Variants in DPY19L1 observed in about 807,000 individuals in gnomAD.
DPY19L1 encodes the protein dpy-19 like C-mannosyltransferase 1.
A neutral mutation model predicts 96.9 loss-of-function variants in DPY19L1; 35 were observed. The observed-to-expected ratio is 0.36, with a 90% CI of 0.28 to 0.48. DPY19L1 has a LOEUF of 0.48. Among genes scored for constraint, DPY19L1 ranks in the 20% least tolerant of loss-of-function variants. DPY19L1 has a pLI of 0.99. For missense variants in DPY19L1, 521 were observed against 777.9 expected, an observed-to-expected ratio of 0.67 and a Z score of 3.93; for synonymous variants, 205 against 252.6, an observed-to-expected ratio of 0.81 and a Z score of 1.79.
At position 34,947,660 on chromosome 7, in the gene DPY19L1, A is replaced by G. The variant is rs1784178385; in HGVS notation, c.1464T>C (p.Val488=). ...TAACAATAGCAACAAACACTACAAG[A>G]ACAACTGGAAGCAATAATGTCTTTG... ...RYTKTLLLPV[V]LVVFVAIVRK... Residue 488 remains valine, a synonymous_variant, in exon 15 of 22, where the codon GTT becomes GTC. Transcript: ENST00000638088. 8 of 1,612,746 alleles carry G rather than the reference A, an allele frequency of 5.0e-6. No individual in the cohort carries two copies. The highest frequency in any genetic ancestry group is 1.7e-4 in the Middle Eastern group (1 of 6,038).
chr7:34,989,119 T>A (rs967004583), intron 7 of DPY19L1, among the ~76,000 whole-genome samples: 1 of 152,204 alleles, frequency 6.6e-6, no homozygotes, highest in Non-Finnish European at 1.5e-5. Context: ...ACAATACTGT[T>A]GTCTTTAGAA....
At chr7:35,036,297 T>C (rs912805075) in intron 1 of DPY19L1, among the ~76,000 whole-genome samples, 2 of 152,224 alleles carry the variant, frequency 1.3e-5, no homozygotes, top group African/African-American at 4.8e-5. Context: ...ATTTCACTAG[T>C]TGACTTAGAA....
intron 6 of DPY19L1, among the ~76,000 whole-genome samples, chr7:35,001,454 C>T (rs1785424878): frequency 1.3e-5 from 2 of 152,196 alleles, no homozygotes; most frequent in Admixed American, 1.3e-4. Context: ...TCCATTCTCA[C>T]ATAGAAGACA....
chr7:34,997,995 A>T (rs574939590), intron 6 of DPY19L1, among the ~76,000 whole-genome samples: 1 of 152,314 alleles, frequency 6.6e-6, no homozygotes, highest in South Asian at 2.1e-4. Context: ...AAGCAAAATT[A>T]AAAAGGGCTT....
At chr7:34,981,275 A>C (rs535146634) in intron 7 of DPY19L1, among the ~76,000 whole-genome samples, 2 of 152,318 alleles carry the variant, frequency 1.3e-5, no homozygotes, top group South Asian at 4.1e-4. Flanking sequence ...CCCTATGCAA[A>C]TATAATAAAA....
At chr7:35,015,443 T>C (rs1785822992) in intron 3 of DPY19L1, among the ~76,000 whole-genome samples, 1 of 152,146 alleles carries the variant, frequency 6.6e-6, no homozygotes, top group East Asian at 1.9e-4. Context: ...AAAACCAAGA[T>C]GGCAACTAAA....
chr7:34,955,224 T>A (rs894042024), intron 12 of DPY19L1, 84 bp downstream of exon 12: 1 of 1,520,356 alleles, frequency 6.6e-7, no homozygotes, highest in African/African-American at 1.4e-5. Flanking sequence ...GTTGCATAGA[T>A]CATTTTCTTA....
chr7:35,036,424 T>TC (rs1786401468), intron 1 of DPY19L1, among the ~76,000 whole-genome samples: 1 of 152,008 alleles, frequency 6.6e-6, no homozygotes, highest in African/African-American at 2.4e-5. Flanking sequence ...TTTTTTTTTT[T>TC]CAGCACATCA....
chr7:35,025,328 T>C (rs1463716271), intron 1 of DPY19L1, among the ~76,000 whole-genome samples: 1 of 152,084 alleles, frequency 6.6e-6, no homozygotes, highest in Non-Finnish European at 1.5e-5. Context: ...ACATAGCCAA[T>C]ATCTTTGCCC....
chr7:34,931,568 A>G lies in DPY19L1; in HGVS notation c.*5T>C, dbSNP rs749686265. 1 of 1,533,548 alleles carries G rather than the reference A, an allele frequency of 6.5e-7. No individual in the cohort carries two copies. The highest frequency in any genetic ancestry group is 1.3e-5 in the South Asian group (1 of 75,920). 95.0% of individuals were successfully genotyped at this position (1,533,548 alleles called of 1,614,324 possible). A position where few individuals can be genotyped will look rare whatever the true frequency, so the allele number is the denominator to read the frequency against. ...GTTCTCCGTAGGCAGCAGGTCATGTAGCAGTCATTCTTTTACAACTTCTAG... is the reference window on the plus strand; with the variant it reads ...GTTCTCCGTAGGCAGCAGGTCATGTGGCAGTCATTCTTTTACAACTTCTAG... On this transcript the variant is annotated 3_prime_UTR_variant, in exon 22 of 22. Transcript: ENST00000638088.
chr7:35,002,252 G>A (rs1785445664), intron 6 of DPY19L1, among the ~76,000 whole-genome samples: 1 of 151,372 alleles, frequency 6.6e-6, no homozygotes, highest in South Asian at 2.1e-4. Context: ...AATATTTATT[G>A]AATCCAAGAA....
chr7:35,037,577 T>G, upstream of DPY19L1: 1 of 282,070 alleles, frequency 3.5e-6, no homozygotes, highest in Non-Finnish European at 6.6e-6. Flanking sequence ...GGCTGCTGCC[T>G]GGCTGGCAGT....
At chr7:34,999,365 T>A (rs1483506778) in intron 6 of DPY19L1, among the ~76,000 whole-genome samples, 2 of 152,176 alleles carry the variant, frequency 1.3e-5, no homozygotes, top group African/African-American at 4.8e-5. Flanking sequence ...AACCAGTAAT[T>A]GAGTACAAAA....
At chr7:34,996,747 C>T (rs1785293700) in intron 6 of DPY19L1, among the ~76,000 whole-genome samples, 1 of 152,200 alleles carries the variant, frequency 6.6e-6, no homozygotes, top group African/African-American at 2.4e-5. Flanking sequence ...AAAACATATC[C>T]GAAATGCCTC....
chr7:34,998,847 AG>A (rs1009204049), intron 6 of DPY19L1, among the ~76,000 whole-genome samples: 42 of 152,350 alleles, frequency 2.8e-4, no homozygotes, highest in African/African-American at 9.1e-4. Flanking sequence ...TACAAATTGA[AG>A]GGGGACCTAG....
At chr7:35,033,631 G>A (rs954926456) in intron 1 of DPY19L1, among the ~76,000 whole-genome samples, 2 of 152,104 alleles carry the variant, frequency 1.3e-5, no homozygotes, top group African/African-American at 4.8e-5. Flanking sequence ...TTCAAATGCA[G>A]GCCAGTGTTG....
intron 6 of DPY19L1, among the ~76,000 whole-genome samples, chr7:34,994,275 C>T (rs1030473438): frequency 3.3e-5 from 5 of 151,994 alleles, no homozygotes; most frequent in Non-Finnish European, 7.4e-5. Flanking sequence ...AGAGATTACA[C>T]ATCATTTTCT....
rs192720260 is a variant in DPY19L1 at position 34,939,987 on chromosome 7, A to T, written c.1864+166T>A. On this transcript the variant is annotated intron_variant, in intron 19 of 21. Transcript: ENST00000638088. ...ATAACATTTCCCCTGCAAACCATTT[A>T]AACAGGATTGATATCTCCTTTGTTT... is the stretch of plus-strand genomic sequence containing the variant. Among the ~76,000 whole-genome samples the T allele has an allele frequency of 6.0e-3, 920 of 152,346 alleles. 7 individuals are homozygous for T. Among genetic ancestry groups the T allele is most frequent in the African/African-American group, 0.021 (878 of 41,582 alleles).
chr7:35,026,576 T>C (rs748070162), intron 1 of DPY19L1, among the ~76,000 whole-genome samples: 39 of 152,160 alleles, frequency 2.6e-4, no homozygotes, highest in Non-Finnish European at 4.9e-4. Context: ...GGTGACTTTA[T>C]ACAGTCCAAA....
Sources: allele counts gnomAD v4.1 joint callset (sites outside exome capture counted in the v4.1 genomes callset), GRCh38; gene constraint gnomAD v4.1.1; transcripts MANE v1.5; gene names NCBI Gene and HGNC (gene_info 2026-07-23, HGNC 2026-07-21).